Variants in ZMAT3 observed in about 807,000 individuals in gnomAD.
ZMAT3 encodes zinc finger matrin-type protein 3.
In ZMAT3, 17 loss-of-function variants were observed where a neutral mutation model predicts 32.3. The observed-to-expected ratio is 0.53, with a 90% CI of 0.36 to 0.79. The LOEUF is 0.79. Among genes scored for constraint, ZMAT3 ranks in the 30% least tolerant of loss-of-function variants. The probability of loss-of-function intolerance (pLI) is 0.00; values close to 1 mark genes in which losing one functional copy is unlikely to be tolerated. For missense variants in ZMAT3, 329 were observed against 359.7 expected (o/e 0.91, Z 0.69); for synonymous variants, 120 against 133.1 (o/e 0.90, Z 0.68).
At chr3:179,051,081 C>T (rs576681423) in intron 2 of ZMAT3, among the ~76,000 whole-genome samples, 133 of 152,278 alleles carry the variant, frequency 8.7e-4, no homozygotes, top group African/African-American at 3.2e-3. Context: ...TGGAGCAAGA[C>T]AAGGATGCCC....
At chr3:179,031,051 A>G (rs750159267) in intron 2 of ZMAT3, 52 bp from the exon 3 acceptor site, 1 of 1,537,558 alleles carries the variant, frequency 6.5e-7, no homozygotes, top group African/African-American at 1.4e-5. Context: ...CTGCAGTTTC[A>G]GCAATTTCAG....
At chr3:179,055,772 T>C (rs1350618881) in intron 2 of ZMAT3, among the ~76,000 whole-genome samples, 1 of 152,228 alleles carries the variant, frequency 6.6e-6, no homozygotes, top group Admixed American at 6.5e-5. Context: ...AGAGATATAA[T>C]GTTACTACTA....
At chr3:179,041,496 G>A (rs1054336670) in intron 2 of ZMAT3, among the ~76,000 whole-genome samples, 2 of 152,238 alleles carry the variant, frequency 1.3e-5, no homozygotes, top group East Asian at 1.9e-4. Flanking sequence ...GGTAAATAAC[G>A]AAATGAAGGC....
intron 2 of ZMAT3, among the ~76,000 whole-genome samples, chr3:179,043,032 C>G (rs1386397510): frequency 6.6e-6 from 1 of 152,160 alleles, no homozygotes; most frequent in Non-Finnish European, 1.5e-5. Context: ...TGAAGGACCT[C>G]TTCAAAGAGA....
At chr3:179,051,198 T>C (rs1442095800) in intron 2 of ZMAT3, among the ~76,000 whole-genome samples, 3 of 152,206 alleles carry the variant, frequency 2.0e-5, no homozygotes, top group Admixed American at 6.5e-5. Context: ...AGTCAAACTG[T>C]CACTGTTTGC....
At chr3:179,030,354 CTTTTT>C (rs1230618538) in intron 3 of ZMAT3, among the ~76,000 whole-genome samples, 1 of 132,054 alleles carries the variant, frequency 7.6e-6, no homozygotes. Flanking sequence ...CCCAGAATTT[CTTTTT>C]TTTTTTTTTT....
At chr3:179,041,784 T>G (rs977030411) in intron 2 of ZMAT3, among the ~76,000 whole-genome samples, 6 of 151,380 alleles carry the variant, frequency 4.0e-5, no homozygotes, top group Non-Finnish European at 8.8e-5. Flanking sequence ...AAAAAATCAC[T>G]GAATCCAGGA....
chr3:179,053,553 T>A (rs1217682006), intron 2 of ZMAT3, among the ~76,000 whole-genome samples: 1 of 152,150 alleles, frequency 6.6e-6, no homozygotes, highest in African/African-American at 2.4e-5. Context: ...ATAACATTTG[T>A]TGAACACAAA....
rs143081076 is a variant in ZMAT3 at position 179,025,072 on chromosome 3, C to T, written c.815G>A (p.Ser272Asn). The T allele has an allele frequency of 2.5e-5, 40 of 1,614,076 alleles. No individual in the cohort carries two copies. In the African/African-American group the frequency reaches 5.1e-4, roughly 20 times the overall value. ...CCTGTACCGCTGTTCAGACACCTTG[C>T]TCTTATGTTGCTTGCTCTCTAAATG... ...RQHLESKQHK[S>N]KVSEQRYRNE... is the part of the protein sequence containing the mutation. The change falls in exon 6 of 6, where the codon AGC (serine) becomes AAC (asparagine). Residue 272 changes from serine (S) to asparagine (N), a missense_variant. Coordinates refer to ENST00000311417, the MANE Select transcript of ZMAT3 (RefSeq NM_022470.4).
chr3:179,052,230 T>C (rs1414972835), intron 2 of ZMAT3, among the ~76,000 whole-genome samples: 1 of 148,432 alleles, frequency 6.7e-6, no homozygotes, highest in Non-Finnish European at 1.5e-5. Flanking sequence ...TAGGAGAAAA[T>C]TTTTGCAATC....
At position 179,067,790 on chromosome 3, in the gene ZMAT3, G is replaced by A. The variant is rs1721500478; in HGVS notation, c.-38C>T. 1 of 1,598,710 alleles carries A rather than the reference G, an allele frequency of 6.3e-7. No individual in the cohort carries two copies. The highest frequency in any genetic ancestry group is 1.1e-5 in the South Asian group (1 of 90,274). On this transcript the variant is annotated 5_prime_UTR_variant, in exon 2 of 6. Transcript: ENST00000311417. ...CCTGGGGCATAATCCAGTGGGTGATGAGAAGCAAGGTCTTCAAATCTGAAT... is the reference window on the plus strand; with the variant it reads ...CCTGGGGCATAATCCAGTGGGTGATAAGAAGCAAGGTCTTCAAATCTGAAT...
At chr3:179,063,604 T>C (rs1721257229) in intron 2 of ZMAT3, among the ~76,000 whole-genome samples, 3 of 152,242 alleles carry the variant, frequency 2.0e-5, no homozygotes, top group Admixed American at 2.0e-4. Context: ...GCAAAATTCA[T>C]CCGTGCTTTT....
intron 2 of ZMAT3, among the ~76,000 whole-genome samples, chr3:179,035,339 C>T (rs1719526848): frequency 6.6e-6 from 1 of 152,102 alleles, no homozygotes; most frequent in Non-Finnish European, 1.5e-5. Context: ...GCTGCATGTG[C>T]TCCTTAAACA....
rs1721482069 is a variant in ZMAT3 at position 179,067,579 on chromosome 3, C to G, written c.174G>C (p.Glu58Asp). 7 of 1,614,200 alleles carry G rather than the reference C, an allele frequency of 4.3e-6. No individual in the cohort carries two copies. The highest frequency in any genetic ancestry group is 5.9e-6 in the Non-Finnish European group (7 of 1,180,030). Residue 58 changes from glutamate (E) to aspartate (D), a missense_variant, in exon 2 of 6, where the codon GAG becomes GAC. Coordinates refer to ENST00000311417, the MANE Select transcript of ZMAT3 (RefSeq NM_022470.4). Reference sequence around the variant, plus strand: ...ATAGCTCCTCCAGGGCACAGTCTTGCTCCCCTCCCTTCGATAACTCTTCTT... The same window carrying G: ...ATAGCTCCTCCAGGGCACAGTCTTGGTCCCCTCCCTTCGATAACTCTTCTT... ...AGEEELSKGGEQDCALEELCK... is the reference protein window; with the variant it reads ...AGEEELSKGGDQDCALEELCK...
chr3:179,039,550 C>G (rs148651307), intron 2 of ZMAT3, among the ~76,000 whole-genome samples: 2 of 152,160 alleles, frequency 1.3e-5, no homozygotes, highest in Non-Finnish European at 2.9e-5. Context: ...ACAAAAAGAA[C>G]GTCTACACCA....
At chr3:179,035,100 T>C (rs1719509464) in intron 2 of ZMAT3, among the ~76,000 whole-genome samples, 1 of 152,198 alleles carries the variant, frequency 6.6e-6, no homozygotes, top group Non-Finnish European at 1.5e-5. Context: ...ACTCTTCCAA[T>C]GGCTTTCTGC....
chr3:179,066,952 C>CA (rs1390874293), intron 2 of ZMAT3, among the ~76,000 whole-genome samples: 3 of 152,174 alleles, frequency 2.0e-5, no homozygotes, highest in South Asian at 2.1e-4. Flanking sequence ...ATTCTCACCA[C>CA]AAAAAGATAC....
Position 179,067,646 on chromosome 3 carries a change from T to A in ZMAT3, c.107A>T (p.Gln36Leu), listed in dbSNP as rs751370853. The part of the protein sequence containing the change: ...RSTGTLQLPP[Q>L]KPFGQEASLP... Reference sequence around the variant, plus strand: ...GGAAGCCTCCTGCCCAAAAGGCTTCTGTGGTGGAAGCTGCAAGGTTCCTGT... The same window carrying A: ...GGAAGCCTCCTGCCCAAAAGGCTTCAGTGGTGGAAGCTGCAAGGTTCCTGT... Residue 36 changes from glutamine (Q) to leucine (L), a missense_variant, in exon 2 of 6, where the codon CAG (glutamine) becomes CTG (leucine). Physicochemically the swap from Gln to Leu is moderately radical, Grantham distance 113. Coordinates refer to ENST00000311417, the MANE Select transcript of ZMAT3 (RefSeq NM_022470.4). 1 of 1,614,066 alleles carries A rather than the reference T, an allele frequency of 6.2e-7. No individual in the cohort carries two copies. Among genetic ancestry groups the A allele is most frequent in the Admixed American group, 1.7e-5 (1 of 60,010 alleles).
intron 2 of ZMAT3, among the ~76,000 whole-genome samples, chr3:179,062,564 T>C (rs145219047): frequency 1.3e-4 from 20 of 152,304 alleles, no homozygotes; most frequent in African/African-American, 4.8e-4. Flanking sequence ...AGAGAGCTTC[T>C]GTCCTCTAAA....
Sources: gnomAD v4.1 joint callset for allele counts (sites outside exome capture counted in the v4.1 genomes callset) on GRCh38, gnomAD v4.1.1 for gene constraint, MANE v1.5 for transcripts, NCBI Gene and HGNC (gene_info 2026-07-23, HGNC 2026-07-21) for gene names.